TENM1: variants seen among roughly 807,000 people sequenced by gnomAD.
TENM1 encodes the protein teneurin-1.
TENM1 carries 35 observed loss-of-function variants against 174.8 expected under a neutral mutation model. That is an observed-to-expected ratio of 0.20 (90% CI 0.15 to 0.27). TENM1 has a LOEUF of 0.27. TENM1 is among the 10% of genes least tolerant of loss of function. The pLI is 1.00. For synonymous variants in TENM1, 781 were observed against 798.7 expected (o/e 0.98, Z 0.37); for missense variants, 1,633 against 2,130.1 (o/e 0.77, Z 4.59).
intron 4 of TENM1, among the ~76,000 whole-genome samples, chrX:124,713,480 C>T (rs1370806521): frequency 1.8e-5 from 2 of 111,369 alleles, no homozygotes; most frequent in East Asian, 5.6e-4. Flanking sequence ...GTTGGTCAGG[C>T]TGTTCTCGAA....
At chrX:124,948,410 A>T (rs2147774199) in intron 1 of TENM1, among the ~76,000 whole-genome samples, 1 of 112,903 alleles carries the variant, frequency 8.9e-6, no homozygotes, top group South Asian at 3.7e-4. Context: ...ATGCTTTAAC[A>T]AGTTGTAGTC....
At chrX:124,989,465 G>T in the TENM1 span, among the ~76,000 whole-genome samples, 1 of 111,007 alleles carries the variant, frequency 9.0e-6, no homozygotes, top group Non-Finnish European at 1.9e-5. Context: ...TCCCCAAATT[G>T]CCATCCTAAT....
chrX:124,523,744 T>C (rs2047909329), intron 16 of TENM1, 119 bp from the exon 20 acceptor site: 1 of 692,056 alleles, frequency 1.4e-6, no homozygotes, highest in Non-Finnish European at 2.1e-6. Flanking sequence ...TATCCACTTG[T>C]ATTGTCTATT....
At chrX:124,967,922 A>C (rs1176939315), upstream of TENM1, among the ~76,000 whole-genome samples, 1 of 112,029 alleles carries the variant, frequency 8.9e-6, no homozygotes, top group Admixed American at 9.5e-5. Context: ...GAGCTGAACT[A>C]TAAAAGAAAT....
the TENM1 span, among the ~76,000 whole-genome samples, chrX:125,161,056 A>C: frequency 2.8e-5 from 3 of 108,079 alleles, no homozygotes; most frequent in Admixed American, 2.0e-4. Context: ...AAAAAAAAAA[A>C]AAAAACAAAA....
At chrX:125,110,696 T>G in the TENM1 span, among the ~76,000 whole-genome samples, 34 of 111,840 alleles carry the variant, frequency 3.0e-4, no homozygotes, top group African/African-American at 1.1e-3. Flanking sequence ...CAAATGAAGC[T>G]AAAACTTCAT....
intron 15 of TENM1, among the ~76,000 whole-genome samples, chrX:124,543,369 C>T (rs757869057): frequency 8.9e-6 from 1 of 112,313 alleles, no homozygotes; most frequent in East Asian, 2.8e-4. Flanking sequence ...GAGGATCAGC[C>T]TCTCATGGTT....
the TENM1 span, among the ~76,000 whole-genome samples, chrX:125,181,546 G>A: frequency 9.0e-6 from 1 of 111,645 alleles, no homozygotes; most frequent in African/African-American, 3.3e-5. Flanking sequence ...AACTTGTTAG[G>A]ATATTAGTGC....
At chrX:125,019,270 A>G in the TENM1 span, among the ~76,000 whole-genome samples, 65 of 111,848 alleles carry the variant, frequency 5.8e-4, no homozygotes, top group Admixed American at 2.3e-3. Flanking sequence ...CAGCTCTTCT[A>G]AAAACAAGTC....
the TENM1 span, among the ~76,000 whole-genome samples, chrX:125,046,739 C>T: frequency 9.0e-6 from 1 of 111,251 alleles, no homozygotes; most frequent in African/African-American, 3.3e-5. Flanking sequence ...TTCATGCCCC[C>T]AAATGAACTA....
At chrX:125,152,579 A>G in the TENM1 span, among the ~76,000 whole-genome samples, 2 of 112,240 alleles carry the variant, frequency 1.8e-5, no homozygotes, top group African/African-American at 6.5e-5. Context: ...TTCTAGGAAC[A>G]TAAGGAACCA....
the TENM1 span, among the ~76,000 whole-genome samples, chrX:125,139,362 A>C: frequency 6.3e-5 from 7 of 111,060 alleles, no homozygotes; most frequent in African/African-American, 2.0e-4. Flanking sequence ...TAAGATATGA[A>C]GACTCTAAAG....
At chrX:124,871,758 G>A (rs2057112187) in intron 3 of TENM1, among the ~76,000 whole-genome samples, 1 of 111,286 alleles carries the variant, frequency 9.0e-6, no homozygotes, top group Non-Finnish European at 1.9e-5. Flanking sequence ...CAAATTAAAA[G>A]GTTAGAGAGT....
chrX:124,485,039 G>A (rs1305791653), intron 21 of TENM1, among the ~76,000 whole-genome samples: 1 of 111,151 alleles, frequency 9.0e-6, no homozygotes, highest in East Asian at 2.8e-4. Flanking sequence ...GCAAAATGGA[G>A]GGGAGAGGGT....
chrX:124,453,370 T>G, exon 23 of TENM1: 1 of 1,209,798 alleles, frequency 8.3e-7, no homozygotes. Context: ...CACAGCTCAG[T>G]GGTTGTGTGG....
the TENM1 span, among the ~76,000 whole-genome samples, chrX:125,108,489 G>A: frequency 9.0e-6 from 1 of 111,230 alleles, no homozygotes; most frequent in African/African-American, 3.3e-5. Flanking sequence ...GGGAGGCAGA[G>A]GTGGGCAGAT....
intron 3 of TENM1, among the ~76,000 whole-genome samples, chrX:124,878,800 C>A (rs929072118): frequency 9.0e-6 from 1 of 111,429 alleles, no homozygotes; most frequent in Non-Finnish European, 1.9e-5. Flanking sequence ...AGGTGCCTAA[C>A]CCTACAAGTT....
At chrX:124,919,449 G>A (rs2057985571) in intron 1 of TENM1, among the ~76,000 whole-genome samples, 1 of 112,006 alleles carries the variant, frequency 8.9e-6, no homozygotes, top group African/African-American at 3.2e-5. Context: ...GCAATTCATA[G>A]AAACACAATA....
In TENM1 at chrX:124,677,803, G is replaced by C. The variant is rs758053041; in HGVS notation, c.1016-5968C>G. On this transcript the variant is annotated intron_variant, in intron 5 of 31. Transcript: ENST00000422452. Reference sequence around the variant, plus strand: ...CTAGAAAGAATCCTGTAACAGAAAAGACTGTGGAAAAACTGGAGAACTCTG... The same window carrying C: ...CTAGAAAGAATCCTGTAACAGAAAACACTGTGGAAAAACTGGAGAACTCTG... Among the ~76,000 whole-genome samples the C allele has an allele frequency of 3.6e-5, 4 of 111,035 alleles. No individual in the cohort carries two copies. The East Asian group carries it at 8.5e-4, about 24-fold the overall frequency.
Sources: allele counts gnomAD v4.1 joint callset (sites outside exome capture counted in the v4.1 genomes callset), GRCh38; gene constraint gnomAD v4.1.1; transcripts MANE v1.5; gene names NCBI Gene and HGNC (gene_info 2026-07-23, HGNC 2026-07-21).